The following PLGLB2 variants were observed in gnomAD, a reference collection of about 807,000 sequenced individuals.
PLGLB2 encodes plasminogen-like protein B.
rs769737738 is a variant in PLGLB2 at position 87,758,209 on chromosome 2, A to AGTTTT, written c.*1407_*1411dup. ...CTTCATAGCTATTTATGCTTAGGCAAGTTTTGTTTTGTTTTGTTTTACGTT... is the reference window on the plus strand; with the variant it reads ...CTTCATAGCTATTTATGCTTAGGCAAGTTTTGTTTTGTTTTGTTTTGTTTTACGTT... On this transcript the variant is annotated 3_prime_UTR_variant, in exon 4 of 4. Transcript: ENST00000359481. 1.3e-5 allele frequency among the ~76,000 whole-genome samples: 2 copies of AGTTTT among 150,456 alleles called. No homozygotes were observed. The highest frequency in any genetic ancestry group is 2.5e-5 in the African/African-American group (1 of 40,814).
At chr2:87,751,447 C>T (rs1684643773) in intron 1 of PLGLB2, 1 of 150,442 alleles carries the variant, frequency 6.6e-6, no homozygotes, top group African/African-American at 2.4e-5. Context: ...TCCAAGTTGG[C>T]AACATAATTT....
chr2:87,750,121 A>T (rs903302669), intron 1 of PLGLB2, among the ~76,000 whole-genome samples: 2 of 152,282 alleles, frequency 1.3e-5, no homozygotes, highest in Admixed American at 1.3e-4. Context: ...AAAAGAAAAA[A>T]GTTTGATTCT....
intron 1 of PLGLB2, among the ~76,000 whole-genome samples, chr2:87,750,071 A>G (rs1452946995): frequency 1.3e-5 from 2 of 151,812 alleles, no homozygotes; most frequent in Non-Finnish European, 2.9e-5. Flanking sequence ...CTAGAGGTGA[A>G]TAAGAGAAAA....
At chr2:87,750,748 G>A (rs2104197239) in intron 1 of PLGLB2, among the ~76,000 whole-genome samples, 1 of 151,026 alleles carries the variant, frequency 6.6e-6, no homozygotes, top group South Asian at 2.1e-4. Flanking sequence ...CCTTCCTACT[G>A]GATATTTGTC....
chr2:87,753,781 A>T, intron 3 of PLGLB2, 147 bp downstream of exon 3: 1 of 593,704 alleles, frequency 1.7e-6, no homozygotes, highest in Non-Finnish European at 3.1e-6. Flanking sequence ...ACAGGATTTG[A>T]TTACTAACTA....
intron 1 of PLGLB2, among the ~76,000 whole-genome samples, chr2:87,750,788 T>C (rs1309585360): frequency 6.7e-6 from 1 of 149,478 alleles, no homozygotes; most frequent in African/African-American, 2.5e-5. Context: ...CGCTCTGCAG[T>C]GTGTCATCTT....
intron 3 of PLGLB2, chr2:87,756,609 G>A (rs199741819): frequency 0.27 from 96,008 of 353,642 alleles, 61 homozygotes; most frequent in East Asian, 0.4. Context: ...TCAATACACA[G>A]AGAGCTCATA....
chr2:87,751,475 T>C (rs532560801), intron 1 of PLGLB2: 36 of 151,284 alleles, frequency 2.4e-4, no homozygotes, highest in African/African-American at 7.7e-4. Flanking sequence ...TTCTTGTTTA[T>C]TTCCACCATC....
chr2:87,754,530 GTATT>G (rs1684679310), intron 3 of PLGLB2, among the ~76,000 whole-genome samples: 1 of 98,944 alleles, frequency 1.0e-5, no homozygotes, highest in Non-Finnish European at 2.2e-5. Flanking sequence ...ATTTTAAATA[GTATT>G]TATTTGGGTT....
chr2:87,753,431 A>ATTC (rs1684665348), intron 2 of PLGLB2, 97 bp from the exon 3 acceptor site: 2 of 350,220 alleles, frequency 5.7e-6, no homozygotes, highest in Non-Finnish European at 5.4e-6. Context: ...GTCCCTCAAG[A>ATTC]TAGTCAATGA....
At chr2:87,750,077 G>GAA (rs536152313) in intron 1 of PLGLB2, among the ~76,000 whole-genome samples, 2 of 146,740 alleles carry the variant, frequency 1.4e-5, no homozygotes, top group African/African-American at 4.9e-5. Context: ...GTGAATAAGA[G>GAA]AAAAAAAAAA....
chr2:87,750,157 G>A (rs1684622900), intron 1 of PLGLB2, among the ~76,000 whole-genome samples: 1 of 152,278 alleles, frequency 6.6e-6, no homozygotes, highest in Non-Finnish European at 1.5e-5. Flanking sequence ...CTAGGGACAG[G>A]AGCTGGGGAG....
intron 3 of PLGLB2, among the ~76,000 whole-genome samples, chr2:87,754,809 G>C (rs1473843998): frequency 6.7e-6 from 1 of 149,910 alleles, no homozygotes; most frequent in African/African-American, 2.4e-5. Flanking sequence ...ATTTAAATAT[G>C]TCATTTGTAA....
At chr2:87,750,644 C>G (rs543060053) in intron 1 of PLGLB2, among the ~76,000 whole-genome samples, 58 of 147,368 alleles carry the variant, frequency 3.9e-4, no homozygotes, top group African/African-American at 1.4e-3. Context: ...GAGGACTTTG[C>G]ATGAATTGAT....
chr2:87,748,789 CACTT>C lies in PLGLB2; in HGVS notation c.49+589_49+592del, dbSNP rs1311669487. Among the ~76,000 whole-genome samples the C allele has an allele frequency of 6.0e-4, 39 of 64,478 alleles. 1 individual carries two copies. The highest frequency in any genetic ancestry group is 6.6e-4 in the Admixed American group (4 of 6,070). 42.3% of individuals were successfully genotyped at this position (64,478 alleles called of 152,430 possible). On this transcript the variant is annotated intron_variant, in intron 1 of 3. Transcript: ENST00000359481. The stretch of plus-strand genomic sequence containing the variant: ...TGCAGACAGTGATTCAACAAATACT[CACTT>C]AGTGCTTGGGTTAGGTCGCTACATT...
intron 1 of PLGLB2, among the ~76,000 whole-genome samples, chr2:87,750,082 A>G (rs1241002887): frequency 6.6e-6 from 1 of 152,142 alleles, no homozygotes; most frequent in Non-Finnish European, 1.5e-5. Flanking sequence ...TAAGAGAAAA[A>G]AAAAATGGGG....
Position 87,755,383 on chromosome 2 carries a change from C to CTT in PLGLB2, c.*2-1437_*2-1436insTT, listed in dbSNP as rs1260725209. Reference sequence around the variant, plus strand: ...CTTATCGCCTAGGTGTCAGCTCAATCATCACCTCCTTTGCAAATCTTCCTT... The same window carrying CTT: ...CTTATCGCCTAGGTGTCAGCTCAATCTTATCACCTCCTTTGCAAATCTTCCTT... On this transcript the variant is annotated intron_variant, in intron 3 of 3. Coordinates refer to ENST00000359481, the MANE Select transcript of PLGLB2 (RefSeq NM_002665.4). Among the ~76,000 whole-genome samples, 90 of 93,418 alleles carry CTT rather than the reference C, an allele frequency of 9.6e-4. 4 individuals are homozygous for CTT. Among genetic ancestry groups the CTT allele is most frequent in the African/African-American group, 5.3e-3 (86 of 16,106 alleles). The allele number at this position is 93,418 out of a possible 152,430, so 61.3% of individuals were successfully genotyped here. A position where few individuals can be genotyped will look rare whatever the true frequency, so the allele number is the denominator to read the frequency against.
chr2:87,751,325 A>G (rs1223144948), intron 1 of PLGLB2: 1 of 141,572 alleles, frequency 7.1e-6, no homozygotes, highest in Admixed American at 7.3e-5. Context: ...ACACCTTGGA[A>G]AAACTGATTT....
In PLGLB2 at chr2:87,758,288, GTTTT is replaced by G. The variant is rs1196999641; in HGVS notation, c.*1475_*1478del. ...GGGATAATAACACCTTCCTCAAATG[GTTTT>G]TTTTATTAGGACTAAAAGAGAGAAT... On this transcript the variant is annotated 3_prime_UTR_variant, in exon 4 of 4. Transcript: ENST00000359481. 2.7e-5 allele frequency among the ~76,000 whole-genome samples: 3 copies of G among 112,208 alleles called. No homozygotes were observed. Among genetic ancestry groups the G allele is most frequent in the South Asian group, 3.6e-4 (1 of 2,814 alleles). The allele number at this position is 112,208 out of a possible 152,430, so 73.6% of individuals were successfully genotyped here.
Sources: gnomAD v4.1 joint callset for allele counts (sites outside exome capture counted in the v4.1 genomes callset) on GRCh38, gnomAD v4.1.1 for gene constraint, MANE v1.5 for transcripts, NCBI Gene and HGNC (gene_info 2026-07-23, HGNC 2026-07-21) for gene names.